Variants in GRID2 observed in about 807,000 individuals in gnomAD.
GRID2 encodes glutamate ionotropic receptor delta type subunit 2, also known as glutamate receptor ionotropic, delta-2.
GRID2 carries 33 observed loss-of-function variants against 114.8 expected under a neutral mutation model. The observed-to-expected ratio is 0.29, with a 90% CI of 0.22 to 0.38. The LOEUF is 0.38. GRID2 is among the 10% of genes least tolerant of loss of function. GRID2 has a pLI of 1.00. For missense variants in GRID2, 1,184 were observed against 1,257.7 expected, an observed-to-expected ratio of 0.94 and a Z score of 0.89; for synonymous variants, 505 against 449.9, an observed-to-expected ratio of 1.12 and a Z score of -1.55.
intron 7 of GRID2, 48 bp from the exon 8 acceptor site, chr4:93,238,321 TTA>T: frequency 7.2e-7 from 1 of 1,384,236 alleles, no homozygotes; most frequent in African/African-American, 1.5e-5. Context: ...GTTTATTTAT[TTA>T]TTTTTTTACT....
intron 9 of GRID2, among the ~76,000 whole-genome samples, chr4:93,407,745 C>G (rs927555707): frequency 8.1e-6 from 1 of 123,914 alleles, no homozygotes; most frequent in Non-Finnish European, 1.7e-5. Flanking sequence ...CCTCCTCCTC[C>G]TCCTCCTCCT....
chr4:93,428,966 A>T (rs1404367541), intron 10 of GRID2, among the ~76,000 whole-genome samples: 1 of 152,166 alleles, frequency 6.6e-6, no homozygotes, highest in Non-Finnish European at 1.5e-5. Flanking sequence ...CAAAAAGAAA[A>T]AGTAAAACAC....
chr4:93,167,380 A>G lies in GRID2; in HGVS notation c.736-40024A>G, dbSNP rs114501387. ...AATTTTTATTTTGACTTCAACAACT[A>G]TCAAATCCATCAAGGTATGCTAGTC... On this transcript the variant is annotated intron_variant, in intron 4 of 15. Coordinates refer to ENST00000282020, the MANE Select transcript of GRID2 (RefSeq NM_001510.4). Among the ~76,000 whole-genome samples the G allele has an allele frequency of 4.8e-3, 731 of 152,296 alleles. 10 individuals are homozygous for G. Among genetic ancestry groups the G allele is most frequent in the African/African-American group, 0.017 (699 of 41,562 alleles).
chr4:92,553,882 C>A (rs983169939), intron 1 of GRID2, among the ~76,000 whole-genome samples: 3 of 152,144 alleles, frequency 2.0e-5, no homozygotes, highest in Non-Finnish European at 2.9e-5. Context: ...GATCTCCTGA[C>A]CTCATGATCC....
At chr4:92,868,082 GTCTGTCTT>G (rs1437929078) in intron 2 of GRID2, among the ~76,000 whole-genome samples, 82 of 138,324 alleles carry the variant, frequency 5.9e-4, no homozygotes, top group African/African-American at 2.1e-3. Flanking sequence ...CTGTCTGTCT[GTCTGTCTT>G]TCTTTCTTTC....
At chr4:93,361,953 A>G (rs1261971064) in intron 8 of GRID2, among the ~76,000 whole-genome samples, 1 of 152,024 alleles carries the variant, frequency 6.6e-6, no homozygotes, top group African/African-American at 2.4e-5. Flanking sequence ...ATTAGGCCCC[A>G]TATGCATTAG....
chr4:93,433,863 C>T (rs62307832), intron 10 of GRID2, among the ~76,000 whole-genome samples: 1 of 152,154 alleles, frequency 6.6e-6, no homozygotes, highest in African/African-American at 2.4e-5. Flanking sequence ...ATTTTTTACA[C>T]CCTCGTCATG....
chr4:92,668,672 C>T (rs1485888850), intron 2 of GRID2, among the ~76,000 whole-genome samples: 1 of 151,776 alleles, frequency 6.6e-6, no homozygotes, highest in Non-Finnish European at 1.5e-5. Flanking sequence ...GTAGTAGAGA[C>T]AGATGTAGTA....
chr4:93,576,015 A>G (rs902602751), intron 13 of GRID2, among the ~76,000 whole-genome samples: 24 of 152,288 alleles, frequency 1.6e-4, no homozygotes, highest in African/African-American at 5.5e-4. Context: ...TACATTTTAA[A>G]ATAGTTATGC....
At chr4:93,489,766 G>A (rs553467277) in intron 11 of GRID2, among the ~76,000 whole-genome samples, 4 of 151,988 alleles carry the variant, frequency 2.6e-5, no homozygotes, top group African/African-American at 9.6e-5. Flanking sequence ...GTAAATAGTG[G>A]TGCTATTCCC....
chr4:93,631,750 C>G (rs1038247771), intron 14 of GRID2, among the ~76,000 whole-genome samples: 1 of 152,178 alleles, frequency 6.6e-6, no homozygotes, highest in Non-Finnish European at 1.5e-5. Flanking sequence ...ATTGCTGGGT[C>G]AAATGGTATT....
At chr4:92,700,354 C>T (rs146288213) in intron 2 of GRID2, among the ~76,000 whole-genome samples, 125 of 152,288 alleles carry the variant, frequency 8.2e-4, no homozygotes, top group African/African-American at 2.9e-3. Flanking sequence ...TCACAATTCT[C>T]ATCTTTAACC....
chr4:92,845,691 T>G (rs1156402205), intron 2 of GRID2, among the ~76,000 whole-genome samples: 9 of 152,066 alleles, frequency 5.9e-5, no homozygotes, highest in Non-Finnish European at 1.3e-4. Flanking sequence ...GCAATTTTGT[T>G]GTTGTTGCAT....
At chr4:92,565,797 C>T (rs2149186741) in intron 1 of GRID2, among the ~76,000 whole-genome samples, 1 of 152,118 alleles carries the variant, frequency 6.6e-6, no homozygotes. Context: ...TAATTTATTA[C>T]TGTTCATAGT....
intron 2 of GRID2, among the ~76,000 whole-genome samples, chr4:92,694,581 G>GAA (rs1294132411): frequency 6.6e-6 from 1 of 150,734 alleles, no homozygotes; most frequent in Non-Finnish European, 1.5e-5. Context: ...TAAATTTTTT[G>GAA]AAGGGTGGTT....
rs1474122034 is a variant in GRID2 at position 93,644,278 on chromosome 4, C to T, written c.2360+17843C>T. ...ATGCAGAAATCACCGTCTTCTGCGTCGCTCACGCTGGGAGCTGTAGACCGG... is the reference window on the plus strand; with the variant it reads ...ATGCAGAAATCACCGTCTTCTGCGTTGCTCACGCTGGGAGCTGTAGACCGG... On this transcript the variant is annotated intron_variant, in intron 14 of 15. Transcript: ENST00000282020. Among the ~76,000 whole-genome samples the T allele has an allele frequency of 8.2e-5, 4 of 48,708 alleles. 2 individuals carry two copies. The highest frequency in any genetic ancestry group is 2.9e-4 in the Admixed American group (2 of 6,780). The allele number at this position is 48,708 out of a possible 152,430, so 32.0% of individuals were successfully genotyped here.
At chr4:93,617,600 C>T (rs900501071) in intron 13 of GRID2, among the ~76,000 whole-genome samples, 4 of 152,036 alleles carry the variant, frequency 2.6e-5, no homozygotes, top group African/African-American at 7.2e-5. Flanking sequence ...CAGCGATATT[C>T]GGGTCATGCT....
chr4:92,783,784 G>T (rs1739194268), intron 2 of GRID2, among the ~76,000 whole-genome samples: 1 of 151,972 alleles, frequency 6.6e-6, no homozygotes, highest in South Asian at 2.1e-4. Flanking sequence ...TACTATGGAG[G>T]CTGAGAAGGG....
intron 1 of GRID2, among the ~76,000 whole-genome samples, chr4:92,551,885 A>C (rs191298110): frequency 6.6e-6 from 1 of 152,200 alleles, no homozygotes; most frequent in Non-Finnish European, 1.5e-5. Flanking sequence ...TTTAAGTAAG[A>C]GAGATAAGGT....
Sources: allele counts gnomAD v4.1 joint callset (sites outside exome capture counted in the v4.1 genomes callset), GRCh38; gene constraint gnomAD v4.1.1; transcripts MANE v1.5; gene names NCBI Gene and HGNC (gene_info 2026-07-23, HGNC 2026-07-21).